Variants in UBE3C observed in about 807,000 individuals in gnomAD.
UBE3C encodes the protein ubiquitin protein ligase E3C.
UBE3C carries 42 observed loss-of-function variants against 129.4 expected under a neutral mutation model. That is an observed-to-expected ratio of 0.32 (90% CI 0.25 to 0.42). The LOEUF (loss-of-function observed/expected upper bound fraction) is 0.42. Ranked by LOEUF, UBE3C falls within the 10% of genes least tolerant of loss-of-function variation. The probability of loss-of-function intolerance (pLI) is 1.00; values close to 1 mark genes in which losing one functional copy is unlikely to be tolerated. For synonymous variants in UBE3C, 510 were observed against 492.4 expected, an observed-to-expected ratio of 1.04 and a Z score of -0.47; for missense variants, 1,049 against 1,319.1, an observed-to-expected ratio of 0.80 and a Z score of 3.17.
intron 13 of UBE3C, among the ~76,000 whole-genome samples, chr7:157,216,355 T>G (rs879741981): frequency 4.6e-5 from 7 of 151,828 alleles, no homozygotes; most frequent in Admixed American, 6.6e-5. Context: ...TTCGTGGGTT[T>G]TTTTTTTTTT....
intron 22 of UBE3C, among the ~76,000 whole-genome samples, chr7:157,257,340 T>C (rs555501594): frequency 7.2e-5 from 11 of 152,324 alleles, no homozygotes; most frequent in African/African-American, 2.4e-4. Flanking sequence ...TAATGTCTCA[T>C]AAATCTGTAA....
chr7:157,220,854 T>A lies in UBE3C; in HGVS notation c.2002+78T>A, dbSNP rs1017158259. 6.1e-6 allele frequency: 9 copies of A among 1,477,506 alleles called. No individual in the cohort carries two copies. In the African/African-American group the frequency reaches 1.2e-4, roughly 21 times the overall value. 91.5% of individuals were successfully genotyped at this position (1,477,506 alleles called of 1,614,324 possible). On this transcript the variant is annotated intron_variant, in intron 15 of 22. Coordinates refer to ENST00000348165, the MANE Select transcript of UBE3C (RefSeq NM_014671.3). ...TTCACTCCTTTAATCTACAGATCTG[T>A]TATTTTTCATAAACTTATACAGCCA... is the stretch of plus-strand genomic sequence containing the variant.
chr7:157,235,825 T>C (rs937962218), intron 18 of UBE3C, among the ~76,000 whole-genome samples: 4 of 152,220 alleles, frequency 2.6e-5, no homozygotes, highest in Non-Finnish European at 5.9e-5. Flanking sequence ...CCAAAACATA[T>C]CTGATGACCA....
At chr7:157,143,720 C>T (rs1208324068) in intron 1 of UBE3C, among the ~76,000 whole-genome samples, 4 of 151,996 alleles carry the variant, frequency 2.6e-5, no homozygotes, top group Non-Finnish European at 2.9e-5. Context: ...CTTCAAGAAG[C>T]GGGGAGTGGT....
chr7:157,139,169 C>G lies in UBE3C; in HGVS notation c.-104C>G. The G allele has an allele frequency of 1.2e-6, 1 of 827,168 alleles. No individual in the cohort carries two copies. Among genetic ancestry groups the G allele is most frequent in the Non-Finnish European group, 1.5e-6 (1 of 673,302 alleles). 51.2% of individuals were successfully genotyped at this position (827,168 alleles called of 1,614,324 possible). On this transcript the variant is annotated 5_prime_UTR_variant, in exon 1 of 23. Transcript: ENST00000348165. ...CCCGGCCGCCGCGTCCTCGCTGCCC[C>G]GGGCCGGGCGGGCGGGCGCCGAGAG...
intron 17 of UBE3C, among the ~76,000 whole-genome samples, chr7:157,229,223 A>T (rs969427323): frequency 6.6e-6 from 1 of 152,104 alleles, no homozygotes; most frequent in Admixed American, 6.5e-5. Flanking sequence ...AGGACATTTC[A>T]CTTACTTCCC....
chr7:157,167,283 C>G (rs73492569), intron 2 of UBE3C, among the ~76,000 whole-genome samples: 8,844 of 152,032 alleles, frequency 0.058, 609 homozygotes, highest in African/African-American at 0.16. Flanking sequence ...TCTACATGAC[C>G]TGATGGTGTT....
intron 13 of UBE3C, among the ~76,000 whole-genome samples, chr7:157,212,471 A>G (rs1230099211): frequency 6.6e-6 from 1 of 152,190 alleles, no homozygotes; most frequent in Non-Finnish European, 1.5e-5. Flanking sequence ...GCTAGTGCGT[A>G]AGAATATTTC....
At chr7:157,163,506 T>C (rs1039046313) in intron 1 of UBE3C, among the ~76,000 whole-genome samples, 2 of 152,164 alleles carry the variant, frequency 1.3e-5, no homozygotes, top group African/African-American at 4.8e-5. Flanking sequence ...AACTCTGACA[T>C]TGGTACGGAG....
Position 157,248,577 on chromosome 7 carries a change from G to A in UBE3C, c.2691G>A (p.Ala897=), listed in dbSNP as rs146957627. 3.7e-5 allele frequency: 60 copies of A among 1,612,178 alleles called. No individual in the cohort carries two copies. Among genetic ancestry groups the A allele is most frequent in the African/African-American group, 1.2e-4 (9 of 74,970 alleles). ...TGGTGAACAATGACCTGGGAGAGGC[G>A]CAGGTGAGGGGTCAGGAGGAGGATT... ...FTVVNNDLGE[A]QVVELKFGGK... Residue 897 remains alanine, a synonymous_variant, in exon 19 of 23, where the codon GCG becomes GCA. Transcript: ENST00000348165.
chr7:157,176,090 A>G (rs1808510010), intron 5 of UBE3C, among the ~76,000 whole-genome samples: 1 of 152,192 alleles, frequency 6.6e-6, no homozygotes, highest in Non-Finnish European at 1.5e-5. Flanking sequence ...GTATTTGTAT[A>G]AGCAAATAAT....
intron 1 of UBE3C, among the ~76,000 whole-genome samples, chr7:157,142,179 C>T (rs1026685831): frequency 5.3e-4 from 80 of 152,254 alleles, no homozygotes; most frequent in African/African-American, 1.9e-3. Flanking sequence ...CTTTGACTGC[C>T]GCATAAGTCC....
intron 10 of UBE3C, chr7:157,198,228 C>A: frequency 7.0e-7 from 1 of 1,433,238 alleles, no homozygotes. Flanking sequence ...AAAGGAATTA[C>A]CCAATCTGTA....
intron 18 of UBE3C, among the ~76,000 whole-genome samples, chr7:157,233,996 A>G (rs887288356): frequency 1.3e-5 from 2 of 152,186 alleles, no homozygotes; most frequent in African/African-American, 4.8e-5. Flanking sequence ...AGAAATGTCT[A>G]TTCAAGTCCA....
chr7:157,247,413 C>T (rs375868628), intron 18 of UBE3C, among the ~76,000 whole-genome samples: 3 of 152,138 alleles, frequency 2.0e-5, no homozygotes, highest in Non-Finnish European at 4.4e-5. Flanking sequence ...AACTTTTGGC[C>T]GGGCAGGATG....
intron 22 of UBE3C, among the ~76,000 whole-genome samples, chr7:157,259,404 C>G (rs1172294116): frequency 6.6e-6 from 1 of 152,170 alleles, no homozygotes; most frequent in South Asian, 2.1e-4. Flanking sequence ...GCAGCCCCAC[C>G]GTTGGGAGTG....
chr7:157,201,944 T>C, intron 11 of UBE3C, 137 bp downstream of exon 11: 1 of 673,034 alleles, frequency 1.5e-6, no homozygotes, highest in Non-Finnish European at 2.5e-6. Flanking sequence ...TTCCAGATGG[T>C]CTCAGTTGCA....
intron 11 of UBE3C, 78 bp from the exon 12 acceptor site, chr7:157,207,320 A>T: frequency 1.3e-6 from 2 of 1,535,016 alleles, no homozygotes; most frequent in East Asian, 4.5e-5. Context: ...TATTTGTTTG[A>T]TGTTATGTTT....
chr7:157,236,729 C>CTT (rs141390317), intron 18 of UBE3C, among the ~76,000 whole-genome samples: 2 of 148,702 alleles, frequency 1.3e-5, no homozygotes, highest in African/African-American at 4.9e-5. Flanking sequence ...ACCCTAAACT[C>CTT]TTTTTTTTTT....
Sources: allele counts gnomAD v4.1 joint callset (sites outside exome capture counted in the v4.1 genomes callset), GRCh38; gene constraint gnomAD v4.1.1; transcripts MANE v1.5; gene names NCBI Gene and HGNC (gene_info 2026-07-23, HGNC 2026-07-21).